The following DPY19L3 variants were observed in gnomAD, a reference collection of about 807,000 sequenced individuals.
DPY19L3 encodes the protein dpy-19 like C-mannosyltransferase 3, also known as protein C-mannosyl-transferase DPY19L3.
In DPY19L3, 51 loss-of-function variants were observed where a neutral mutation model predicts 92.3. That is an observed-to-expected ratio of 0.55 (90% CI 0.44 to 0.70). The LOEUF (loss-of-function observed/expected upper bound fraction) is 0.70, where lower values mean the gene tolerates loss of function less well. Ranked by LOEUF, DPY19L3 falls within the 30% of genes least tolerant of loss-of-function variation. The pLI is 0.00. For missense variants in DPY19L3, 706 were observed against 855.9 expected, an observed-to-expected ratio of 0.82 and a Z score of 2.18; for synonymous variants, 309 against 315.2, an observed-to-expected ratio of 0.98 and a Z score of 0.21.
At position 32,467,472 on chromosome 19, in the gene DPY19L3, A is replaced by G. The variant is rs146591820; in HGVS notation, c.1615-1259A>G. On this transcript the variant is annotated intron_variant, in intron 15 of 18. Coordinates refer to ENST00000392250, the MANE Select transcript of DPY19L3 (RefSeq NM_001172774.2). The stretch of plus-strand genomic sequence containing the variant: ...TTTTACTACATCTCTTCCAAAAACT[A>G]GAACCAGAAGTCCTGACACCTGATT... 216 of 987,580 alleles carry G rather than the reference A, an allele frequency of 2.2e-4. No homozygotes were observed. The African/African-American group carries it at 3.6e-3, about 17-fold the overall frequency. The allele number at this position is 987,580 out of a possible 1,614,324, so 61.2% of individuals were successfully genotyped here. A position where few individuals can be genotyped will look rare whatever the true frequency, so the allele number is the denominator to read the frequency against.
intron 12 of DPY19L3, among the ~76,000 whole-genome samples, chr19:32,461,153 A>G (rs1028654806): frequency 3.0e-4 from 45 of 152,194 alleles, no homozygotes; most frequent in African/African-American, 1.0e-3. Flanking sequence ...GGCATGAGCC[A>G]CTGCACCCTG....
At chr19:32,461,783 TTAAC>T (rs1970048108) in intron 12 of DPY19L3, among the ~76,000 whole-genome samples, 2 of 152,212 alleles carry the variant, frequency 1.3e-5, no homozygotes, top group Admixed American at 1.3e-4. Context: ...AGTTTCATCT[TTAAC>T]TAGTAGCCTT....
At chr19:32,411,159 A>G in intron 2 of DPY19L3, 80 bp from the exon 3 acceptor site, 7 of 1,443,910 alleles carry the variant, frequency 4.8e-6, no homozygotes, top group Non-Finnish European at 6.6e-6. Context: ...GACTTAGCTT[A>G]CTTGATAATC....
intron 3 of DPY19L3, among the ~76,000 whole-genome samples, chr19:32,420,052 G>A (rs577451218): frequency 6.6e-6 from 1 of 151,700 alleles, no homozygotes; most frequent in South Asian, 2.1e-4. Flanking sequence ...TGGAGACGGG[G>A]TTTCACCATC....
intron 3 of DPY19L3, chr19:32,412,586 A>G (rs1212926838): frequency 1.3e-5 from 2 of 152,146 alleles, no homozygotes; most frequent in Non-Finnish European, 2.9e-5. Context: ...TGCAGGGCAT[A>G]GGGCGATGGG....
At chr19:32,408,102 G>A (rs1968043770) in intron 1 of DPY19L3, 115 bp from the exon 2 acceptor site, 1 of 609,202 alleles carries the variant, frequency 1.6e-6, no homozygotes, top group Non-Finnish European at 2.9e-6. Flanking sequence ...AAAAAAAAAG[G>A]GAGGGCATGC....
rs371407665 is a variant in DPY19L3, at chr19:32,463,887, G to A, written c.1464G>A (p.Thr488=). ...LSTMRMKYLW[T]SHMCVFASFG... ...CTTGCAGAATGAAGTACCTCTGGAC[G>A]TCACACATGTGTGTGTTCGCATCAT... Residue 488 remains threonine (T), a synonymous_variant, in exon 14 of 19, where the codon ACG becomes ACA. Coordinates refer to ENST00000392250, the MANE Select transcript of DPY19L3 (RefSeq NM_001172774.2). The A allele has an allele frequency of 1.4e-5, 23 of 1,613,206 alleles. No homozygotes were observed. Among genetic ancestry groups the A allele is most frequent in the South Asian group, 6.6e-5 (6 of 91,000 alleles).
At chr19:32,415,431 G>A (rs940518749) in intron 3 of DPY19L3, among the ~76,000 whole-genome samples, 4 of 152,202 alleles carry the variant, frequency 2.6e-5, no homozygotes, top group Admixed American at 6.6e-5. Flanking sequence ...GTTGGCAGTA[G>A]TTCAGCCTGG....
chr19:32,406,856 C>T (rs963983063), intron 1 of DPY19L3, among the ~76,000 whole-genome samples: 1 of 152,152 alleles, frequency 6.6e-6, no homozygotes, highest in Non-Finnish European at 1.5e-5. Flanking sequence ...TCCTCTCACA[C>T]TTAGGGAGGA....
At chr19:32,438,871 G>A in intron 6 of DPY19L3, 1 of 366,284 alleles carries the variant, frequency 2.7e-6, no homozygotes, top group Non-Finnish European at 4.9e-6. Flanking sequence ...ACCTGGGCTT[G>A]AACCCTAGGT....
chr19:32,430,492 A>G (rs1320827634), intron 3 of DPY19L3, among the ~76,000 whole-genome samples: 1 of 152,184 alleles, frequency 6.6e-6, no homozygotes, highest in African/African-American at 2.4e-5. Context: ...AAGATTTGCT[A>G]CCCTACCTCC....
chr19:32,476,066 CTA>C (rs1292389778), intron 16 of DPY19L3, among the ~76,000 whole-genome samples: 1 of 152,148 alleles, frequency 6.6e-6, no homozygotes, highest in Non-Finnish European at 1.5e-5. Flanking sequence ...CAAAAGTAAA[CTA>C]TTTGTAAATG....
At chr19:32,443,818 G>A (rs1212390328) in intron 8 of DPY19L3, among the ~76,000 whole-genome samples, 1 of 152,100 alleles carries the variant, frequency 6.6e-6, no homozygotes, top group East Asian at 1.9e-4. Flanking sequence ...TCAGCCCTTT[G>A]GGAGGCCAAG....
At position 32,418,709 on chromosome 19, in the gene DPY19L3, T is replaced by G. The variant is rs906486993; in HGVS notation, c.237+7337T>G. Among the ~76,000 whole-genome samples, 5 of 152,310 alleles carry G rather than the reference T, an allele frequency of 3.3e-5. No individual in the cohort carries two copies. In the East Asian group the frequency reaches 9.6e-4, roughly 29 times the overall value. Reference sequence around the variant, plus strand: ...TCTGCTTTCCTTTCCTGTTTTGGGGTTATAACTTTTTCTCATCAAAATTGG... The same window carrying G: ...TCTGCTTTCCTTTCCTGTTTTGGGGGTATAACTTTTTCTCATCAAAATTGG... On this transcript the variant is annotated intron_variant, in intron 3 of 18. Transcript: ENST00000392250.
intron 17 of DPY19L3, among the ~76,000 whole-genome samples, chr19:32,478,009 C>A (rs1317852456): frequency 6.6e-6 from 1 of 152,152 alleles, no homozygotes; most frequent in South Asian, 2.1e-4. Flanking sequence ...TTCACTACCA[C>A]GAGAACAGCA....
intron 7 of DPY19L3, 25 bp downstream of exon 7, chr19:32,439,260 A>T (rs747458589): frequency 6.2e-7 from 1 of 1,600,476 alleles, no homozygotes; most frequent in South Asian, 1.1e-5. Flanking sequence ...AATTTCATAT[A>T]TTTTAATCCC....
At chr19:32,457,819 C>CA (rs1373817793) in intron 10 of DPY19L3, among the ~76,000 whole-genome samples, 5 of 152,096 alleles carry the variant, frequency 3.3e-5, no homozygotes, top group East Asian at 1.9e-4. Context: ...TCCCTGAAAC[C>CA]AAAAAATCTC....
chr19:32,451,327 G>A lies in DPY19L3; in HGVS notation c.856-1818G>A, dbSNP rs544392612. On this transcript the variant is annotated intron_variant, in intron 8 of 18. Transcript: ENST00000392250. ...AATCAATATTATTTCTTTAGGTAAT[G>A]GTGCTGGGTTTTGACTCAAGAGCCC... Among the ~76,000 whole-genome samples, 185 of 152,254 alleles carry A rather than the reference G, an allele frequency of 1.2e-3. 1 individual carries two copies. The highest frequency in any genetic ancestry group is 4.1e-3 in the African/African-American group (172 of 41,558).
At chr19:32,432,596 A>G (rs1969005159) in intron 3 of DPY19L3, 120 bp from the exon 4 acceptor site, 1 of 768,450 alleles carries the variant, frequency 1.3e-6, no homozygotes, top group East Asian at 2.9e-5. Flanking sequence ...AGATTTTTTG[A>G]GACTATATTT....
Sources: allele counts gnomAD v4.1 joint callset (sites outside exome capture counted in the v4.1 genomes callset), GRCh38; gene constraint gnomAD v4.1.1; transcripts MANE v1.5; gene names NCBI Gene and HGNC (gene_info 2026-07-23, HGNC 2026-07-21).